SMAD6: variants seen among roughly 807,000 people sequenced by gnomAD.
SMAD6 encodes SMAD family member 6.
A neutral mutation model predicts 39.4 loss-of-function variants in SMAD6; 103 were observed. The ratio of observed to expected loss-of-function variants is 2.62; its 90% confidence interval spans 2.23 to 3.08. SMAD6 has a LOEUF of 3.08. SMAD6 is among the 30% of genes most tolerant of loss of function. SMAD6 has a pLI of 0.00. For missense variants in SMAD6, 1,104 were observed against 742.9 expected, an observed-to-expected ratio of 1.49 and a Z score of -5.65; for synonymous variants, 445 against 353.3, an observed-to-expected ratio of 1.26 and a Z score of -2.91.
chr15:66,767,680 T>G (rs1178379477), intron 3 of SMAD6, among the ~76,000 whole-genome samples: 2 of 152,232 alleles, frequency 1.3e-5, no homozygotes, highest in East Asian at 3.8e-4. Flanking sequence ...GCAGCAAATA[T>G]TAGTATTTAA....
At chr15:66,742,914 TC>T (rs1163869430) in intron 3 of SMAD6, among the ~76,000 whole-genome samples, 2 of 152,082 alleles carry the variant, frequency 1.3e-5, no homozygotes. Flanking sequence ...CAAAATCTTC[TC>T]CCTAGAGTCC....
intron 3 of SMAD6, among the ~76,000 whole-genome samples, chr15:66,739,947 T>TA (rs1893784663): frequency 6.6e-6 from 1 of 152,198 alleles, no homozygotes; most frequent in African/African-American, 2.4e-5. Flanking sequence ...GCTGTTATGT[T>TA]AAAAAATACA....
chr15:66,727,598 G>A (rs1212461738), intron 3 of SMAD6, among the ~76,000 whole-genome samples: 1 of 152,168 alleles, frequency 6.6e-6, no homozygotes, highest in Non-Finnish European at 1.5e-5. Context: ...TGGCAGGGCA[G>A]TAAGGAATGA....
chr15:66,710,155 C>T (rs764079272), intron 1 of SMAD6, among the ~76,000 whole-genome samples: 15 of 152,170 alleles, frequency 9.9e-5, no homozygotes, highest in Non-Finnish European at 5.9e-5. Context: ...TCAGTTTTCT[C>T]ATCTGTAAAA....
intron 2 of SMAD6, among the ~76,000 whole-genome samples, chr15:66,714,480 A>G (rs1158558480): frequency 6.6e-6 from 1 of 152,208 alleles, no homozygotes; most frequent in Non-Finnish European, 1.5e-5. Flanking sequence ...TTTACTTGGA[A>G]CACAGCCAGG....
In SMAD6 at chr15:66,781,044, G is replaced by C. The variant is rs772926628; in HGVS notation, c.1000G>C (p.Val334Leu). The change falls in exon 4 of 4, where the codon GTG becomes CTG. Residue 334 changes from valine to leucine, a missense_variant. Coordinates refer to ENST00000288840, the MANE Select transcript of SMAD6 (RefSeq NM_005585.5). ...DATKPSHWCS[V>L]AYWEHRTRVG... Reference sequence around the variant, plus strand: ...CACCAAGCCGAGCCACTGGTGCAGCGTGGCGTACTGGGAGCACCGGACGCG... The same window carrying C: ...CACCAAGCCGAGCCACTGGTGCAGCCTGGCGTACTGGGAGCACCGGACGCG... 5 of 1,601,014 alleles carry C rather than the reference G, an allele frequency of 3.1e-6. No homozygotes were observed. The East Asian group carries it at 9.0e-5, about 29-fold the overall frequency.
At chr15:66,780,049 T>C (rs1595803895) in intron 3 of SMAD6, among the ~76,000 whole-genome samples, 2 of 152,298 alleles carry the variant, frequency 1.3e-5, no homozygotes, top group East Asian at 3.9e-4. Flanking sequence ...TTCAGTAACA[T>C]CTTAGCTACC....
chr15:66,772,806 C>T (rs1482595651), intron 3 of SMAD6, among the ~76,000 whole-genome samples: 2 of 152,246 alleles, frequency 1.3e-5, no homozygotes, highest in African/African-American at 4.8e-5. Flanking sequence ...GCTCCCTAGT[C>T]CATTCTTTTA....
At chr15:66,777,329 G>A (rs1047296315) in intron 3 of SMAD6, among the ~76,000 whole-genome samples, 1 of 152,126 alleles carries the variant, frequency 6.6e-6, no homozygotes, top group Non-Finnish European at 1.5e-5. Flanking sequence ...CCCGTGGGGT[G>A]TGGGGTGGGG....
intron 3 of SMAD6, among the ~76,000 whole-genome samples, chr15:66,745,133 C>T (rs1419884157): frequency 6.6e-6 from 1 of 152,148 alleles, no homozygotes; most frequent in Non-Finnish European, 1.5e-5. Flanking sequence ...TGGCTGGTGG[C>T]ACCCCCAGGG....
intron 3 of SMAD6, among the ~76,000 whole-genome samples, chr15:66,744,596 G>A (rs543895819): frequency 1.3e-5 from 2 of 152,370 alleles, no homozygotes; most frequent in African/African-American, 4.8e-5. Flanking sequence ...GAAGCTGATT[G>A]TGAACTCCTT....
intron 3 of SMAD6, among the ~76,000 whole-genome samples, chr15:66,770,833 A>G (rs1276596353): frequency 6.6e-6 from 1 of 152,114 alleles, no homozygotes; most frequent in East Asian, 1.9e-4. Flanking sequence ...CTTGCTTGCC[A>G]GGTGGTCTTC....
chr15:66,761,046 C>T (rs1032687148), intron 3 of SMAD6, among the ~76,000 whole-genome samples: 7 of 152,212 alleles, frequency 4.6e-5, no homozygotes, highest in Admixed American at 6.5e-5. Context: ...AATCTGGACA[C>T]GAGGGCAGGA....
intron 3 of SMAD6, among the ~76,000 whole-genome samples, chr15:66,749,699 T>C (rs369629426): frequency 4.6e-5 from 7 of 152,180 alleles, no homozygotes; most frequent in Non-Finnish European, 7.4e-5. Context: ...ACAGCGATCA[T>C]TGGGCACTTC....
At position 66,781,469 on chromosome 15, in the gene SMAD6, C is replaced by T; in HGVS notation, c.1425C>T (p.Cys475=). 6.2e-7 allele frequency: 1 copy of T among 1,601,476 alleles called. No individual in the cohort carries two copies. Among genetic ancestry groups the T allele is most frequent in the Non-Finnish European group, 8.5e-7 (1 of 1,176,224 alleles). ...GCTTCGCCAAGGGCTGGGGGCCCTG[C>T]TACTCCCGGCAGTTCATCACCTCCT... ...RISFAKGWGP[C]YSRQFITSCP... The change falls in exon 4 of 4, where the codon TGC becomes TGT. Residue 475 remains cysteine (C), a synonymous_variant. Coordinates refer to ENST00000288840, the MANE Select transcript of SMAD6 (RefSeq NM_005585.5).
chr15:66,756,169 T>G (rs1894095045), intron 3 of SMAD6, among the ~76,000 whole-genome samples: 1 of 152,170 alleles, frequency 6.6e-6, no homozygotes, highest in African/African-American at 2.4e-5. Context: ...AACATTATAA[T>G]TACTGAAAAT....
intron 3 of SMAD6, among the ~76,000 whole-genome samples, chr15:66,751,309 G>A (rs1048850917): frequency 6.6e-6 from 1 of 152,164 alleles, no homozygotes; most frequent in African/African-American, 2.4e-5. Flanking sequence ...CCGTGGCTCT[G>A]GTGAAGCTGC....
At chr15:66,759,997 C>A (rs1894170022) in intron 3 of SMAD6, among the ~76,000 whole-genome samples, 1 of 152,214 alleles carries the variant, frequency 6.6e-6, no homozygotes, top group Non-Finnish European at 1.5e-5. Context: ...AGCCCTTCTG[C>A]AATCTGGTCA....
intron 3 of SMAD6, among the ~76,000 whole-genome samples, chr15:66,780,528 G>A (rs909188784): frequency 1.2e-4 from 18 of 152,200 alleles, no homozygotes; most frequent in Non-Finnish European, 1.2e-4. Context: ...AGAAGGTGGC[G>A]TCCTTGCAGA....
Sources: gnomAD v4.1 joint callset for allele counts (sites outside exome capture counted in the v4.1 genomes callset) on GRCh38, gnomAD v4.1.1 for gene constraint, MANE v1.5 for transcripts, NCBI Gene and HGNC (gene_info 2026-07-23, HGNC 2026-07-21) for gene names.